The following TMEM114 variants were observed in gnomAD, a reference collection of about 807,000 sequenced individuals.
The protein encoded by TMEM114 is claudin-26.
In TMEM114, 6 loss-of-function variants were observed where a neutral mutation model predicts 6.2. That is an observed-to-expected ratio of 0.97 (90% CI 0.53 to 1.91). TMEM114 has a LOEUF of 1.91. Ranked by LOEUF, TMEM114 falls within the 40% of genes most tolerant of loss-of-function variation. TMEM114 has a pLI of 0.01. For missense variants in TMEM114, 218 were observed against 158.3 expected (o/e 1.38, Z -2.02); for synonymous variants, 104 against 73.0 (o/e 1.42, Z -2.16).
chr16:8,556,554 T>A (rs1901015360), intron 2 of TMEM114, among the ~76,000 whole-genome samples: 1 of 152,062 alleles, frequency 6.6e-6, no homozygotes, highest in African/African-American at 2.4e-5. Flanking sequence ...CAGGCTGGAG[T>A]GCAATGGCGT....
At chr16:8,562,168 A>ATGAGTGAATGAGTCAGTGAG (rs1239114545) in intron 2 of TMEM114, among the ~76,000 whole-genome samples, 1 of 145,706 alleles carries the variant, frequency 6.9e-6, no homozygotes, top group African/African-American at 2.6e-5. Flanking sequence ...GAGTTAGTGA[A>ATGAGTGAATGAGTCAGTGAG]TGAGTGAATG....
intron 2 of TMEM114, among the ~76,000 whole-genome samples, chr16:8,580,961 G>A (rs1902128636): frequency 6.6e-6 from 1 of 152,070 alleles, no homozygotes; most frequent in Non-Finnish European, 1.5e-5. Flanking sequence ...CAAAGTGCTG[G>A]GATTACAGGC....
intron 3 of TMEM114, among the ~76,000 whole-genome samples, chr16:8,571,724 T>C (rs1303891463): frequency 6.6e-6 from 1 of 152,122 alleles, no homozygotes; most frequent in African/African-American, 2.4e-5. Context: ...AAGCAGTATC[T>C]ATCAGAATGG....
intron 2 of TMEM114, among the ~76,000 whole-genome samples, chr16:8,550,142 C>A (rs962712443): frequency 6.6e-6 from 1 of 152,218 alleles, no homozygotes; most frequent in Non-Finnish European, 1.5e-5. Flanking sequence ...CAGCTTCTTC[C>A]ACCATCTTCT....
At chr16:8,539,733 G>C (rs1596465120) in intron 2 of TMEM114, among the ~76,000 whole-genome samples, 1 of 151,650 alleles carries the variant, frequency 6.6e-6, no homozygotes, top group South Asian at 2.1e-4. Context: ...GCAATATCCA[G>C]ATTGTAACAG....
chr16:8,539,028 G>A lies in TMEM114; in HGVS notation n.213-1202C>T, dbSNP rs371727508. On this transcript the variant is annotated intron_variant and non_coding_transcript_variant, in intron 2 of 2. Transcript: ENST00000623677. The stretch of plus-strand genomic sequence containing the variant: ...ATAAATATGTACTCAATAACTTCAT[G>A]TTTGAATGAATAAATAAATTCTGAT... Among the ~76,000 whole-genome samples the A allele has an allele frequency of 3.0e-4, 46 of 152,244 alleles. No homozygotes were observed. The East Asian group carries it at 6.6e-3, about 22-fold the overall frequency.
downstream of TMEM114, chr16:8,537,517 A>G (rs906351118): frequency 1.3e-5 from 2 of 152,134 alleles, no homozygotes; most frequent in African/African-American, 4.8e-5. Flanking sequence ...AAACAAACAA[A>G]CAAAAAAACA....
intron 2 of TMEM114, among the ~76,000 whole-genome samples, chr16:8,550,781 G>A (rs1033002878): frequency 2.6e-5 from 4 of 151,420 alleles, no homozygotes; most frequent in African/African-American, 7.3e-5. Flanking sequence ...TTCACCTCCT[G>A]CCCACTCCCA....
chr16:8,535,440 G>C (rs1021831184), downstream of TMEM114, among the ~76,000 whole-genome samples: 35 of 152,014 alleles, frequency 2.3e-4, 1 homozygote, highest in African/African-American at 7.0e-4. Flanking sequence ...TTCGCTGAAA[G>C]ACATTTGAAG....
At chr16:8,584,187 G>A (rs1001453562) in intron 2 of TMEM114, among the ~76,000 whole-genome samples, 1 of 152,228 alleles carries the variant, frequency 6.6e-6, no homozygotes, top group Non-Finnish European at 1.5e-5. Context: ...TTTAACAGTG[G>A]ATTCCAGCAG....
chr16:8,527,568 G>A, the TMEM114 span, among the ~76,000 whole-genome samples: 2 of 152,196 alleles, frequency 1.3e-5, no homozygotes, highest in Non-Finnish European at 2.9e-5. Context: ...GGAATTTTGC[G>A]TGTTTTTAGC....
chr16:8,535,131 C>T (rs188380550), downstream of TMEM114, among the ~76,000 whole-genome samples: 2 of 152,150 alleles, frequency 1.3e-5, no homozygotes, highest in African/African-American at 4.8e-5. Context: ...CTCTGAGTCT[C>T]TGTGTCCCCC....
downstream of TMEM114, among the ~76,000 whole-genome samples, chr16:8,567,275 T>C (rs1447362364): frequency 6.6e-6 from 1 of 152,156 alleles, no homozygotes; most frequent in Non-Finnish European, 1.5e-5. Context: ...AGATTATTGG[T>C]TCATGGGTTT....
chr16:8,585,376 T>G (rs1162420060), intron 2 of TMEM114, among the ~76,000 whole-genome samples: 2 of 152,140 alleles, frequency 1.3e-5, no homozygotes, highest in African/African-American at 4.8e-5. Context: ...AGTAAATTAC[T>G]TGGCACTGAA....
At chr16:8,543,662 C>G (rs1043103587) in intron 2 of TMEM114, among the ~76,000 whole-genome samples, 3 of 152,114 alleles carry the variant, frequency 2.0e-5, no homozygotes, top group African/African-American at 7.2e-5. Flanking sequence ...GCCTTGGGCT[C>G]CTAGAGCCTC....
chr16:8,575,759 A>G (rs561388242), intron 2 of TMEM114, among the ~76,000 whole-genome samples: 9 of 152,256 alleles, frequency 5.9e-5, no homozygotes, highest in Non-Finnish European at 1.2e-4. Flanking sequence ...GGTGCTTGTC[A>G]CATCATAAAC....
chr16:8,558,907 A>ATT (rs556739377), intron 2 of TMEM114, among the ~76,000 whole-genome samples: 43,930 of 149,242 alleles, frequency 0.29, 6,608 homozygotes, highest in East Asian at 0.38. Flanking sequence ...TGCCCAGCTA[A>ATT]TTTTTTTTTG....
At position 8,569,770 on chromosome 16, in the gene TMEM114, G is replaced by A. The variant is rs1331048417; in HGVS notation, c.*3C>T. On this transcript the variant is annotated 3_prime_UTR_variant, in exon 4 of 4. Coordinates refer to ENST00000620492, the MANE Select transcript of TMEM114 (RefSeq NM_001146336.2). The stretch of plus-strand genomic sequence containing the variant: ...CCTCCCCTCCACGACCCAGCGCCCA[G>A]GCTCATATGGCCTGGTCCTGCCTCC... 1.9e-6 allele frequency: 3 copies of A among 1,548,246 alleles called. No individual in the cohort carries two copies. In the South Asian group the frequency reaches 3.6e-5, roughly 18 times the overall value.
At chr16:8,559,738 G>C (rs1300612264) in intron 2 of TMEM114, among the ~76,000 whole-genome samples, 1 of 152,172 alleles carries the variant, frequency 6.6e-6, no homozygotes, top group Non-Finnish European at 1.5e-5. Context: ...GAAGGTGGCT[G>C]AGCCCTGCAG....
Sources: gnomAD v4.1 joint callset for allele counts (sites outside exome capture counted in the v4.1 genomes callset) on GRCh38, gnomAD v4.1.1 for gene constraint, MANE v1.5 for transcripts, NCBI Gene and HGNC (gene_info 2026-07-23, HGNC 2026-07-21) for gene names.